REPS2: variants seen among roughly 807,000 people sequenced by gnomAD.
REPS2 encodes ralBP1-associated Eps domain-containing protein 2.
Under a neutral mutation model 53.6 loss-of-function variants are expected in REPS2, and 23 were observed. The ratio of observed to expected loss-of-function variants is 0.43; its 90% CI spans 0.31 to 0.61. The LOEUF (loss-of-function observed/expected upper bound fraction) is 0.61, where lower values mean the gene tolerates loss of function less well. REPS2 is among the 20% of genes least tolerant of loss of function. The probability of loss-of-function intolerance (pLI) is 0.11; values close to 1 mark genes in which losing one functional copy is unlikely to be tolerated. For missense variants in REPS2, 446 were observed against 534.9 expected (o/e 0.83, Z 1.64); for synonymous variants, 238 against 218.6 (o/e 1.09, Z -0.78).
At chrX:17,016,663 T>TGG (rs2061498346) in intron 2 of REPS2, among the ~76,000 whole-genome samples, 1 of 111,270 alleles carries the variant, frequency 9.0e-6, no homozygotes. Flanking sequence ...CCCATCTTGG[T>TGG]CTCCCAAAGT....
rs908088687 is a variant in REPS2 at position 17,150,953 on chromosome X, C to T, written c.*3472C>T. 3.6e-5 allele frequency: 4 copies of T among 111,287 alleles called. No homozygotes were observed. Among genetic ancestry groups the T allele is most frequent in the African/African-American group, 1.3e-4 (4 of 30,490 alleles). The allele number at this position is 111,287 out of a possible 1,213,427, so 9.2% of individuals were successfully genotyped here. A position where few individuals can be genotyped will look rare whatever the true frequency, so the allele number is the denominator to read the frequency against. On this transcript the variant is annotated 3_prime_UTR_variant, in exon 18 of 18. Transcript: ENST00000357277. ...AAAACATGTTTTAGGGAGTTTAGTT[C>T]TAGAAATTTCTCTTAGATTGAAGTG... is the stretch of plus-strand genomic sequence containing the variant.
At chrX:17,042,767 CTG>C (rs1433775553) in intron 5 of REPS2, among the ~76,000 whole-genome samples, 1 of 111,371 alleles carries the variant, frequency 9.0e-6, no homozygotes, top group Non-Finnish European at 1.9e-5. Flanking sequence ...AATGTTCAAA[CTG>C]TGGTACTTAC....
intron 4 of REPS2, among the ~76,000 whole-genome samples, chrX:17,028,065 C>T (rs2061668800): frequency 9.0e-6 from 1 of 111,346 alleles, no homozygotes; most frequent in African/African-American, 3.3e-5. Flanking sequence ...GCTGAGTCTT[C>T]ATCCAAGCCC....
intron 13 of REPS2, among the ~76,000 whole-genome samples, chrX:17,088,438 T>C (rs1176275099): frequency 2.7e-5 from 3 of 110,922 alleles, no homozygotes; most frequent in African/African-American, 9.8e-5. Flanking sequence ...AAATGAGTTA[T>C]TAGTAAACAT....
At chrX:17,011,216 G>A (rs761449347) in intron 2 of REPS2, among the ~76,000 whole-genome samples, 2 of 111,288 alleles carry the variant, frequency 1.8e-5, no homozygotes, top group African/African-American at 6.5e-5. Flanking sequence ...CTGAGAGTGC[G>A]TGCCTCCTTA....
intron 17 of REPS2, among the ~76,000 whole-genome samples, chrX:17,145,473 T>C (rs930054566): frequency 9.0e-6 from 1 of 111,479 alleles, no homozygotes; most frequent in African/African-American, 3.3e-5. Context: ...TACTCATTTC[T>C]TATCTAATCT....
chrX:16,974,227 T>C (rs1033769596), intron 1 of REPS2, among the ~76,000 whole-genome samples: 2 of 112,074 alleles, frequency 1.8e-5, no homozygotes, highest in Non-Finnish European at 3.8e-5. Flanking sequence ...GGATCATGTA[T>C]TGAATTTATT....
rs189167480 is a variant in REPS2 at position 16,971,658 on chromosome X, A to G, written c.273+24524A>G. Among the ~76,000 whole-genome samples, 334 of 112,381 alleles carry G rather than the reference A, an allele frequency of 3.0e-3. 1 individual carries two copies. The highest frequency in any genetic ancestry group is 0.01 in the African/African-American group (319 of 30,986). On this transcript the variant is annotated intron_variant, in intron 1 of 17. Transcript: ENST00000357277. ...TAAGAGTTTTGTAGTTTTAGCTCCT[A>G]TATGTCAGTCTTTGATTCATTTTGA... is the stretch of plus-strand genomic sequence containing the variant.
intron 17 of REPS2, among the ~76,000 whole-genome samples, chrX:17,146,197 C>T (rs756342502): frequency 4.5e-5 from 5 of 110,747 alleles, no homozygotes; most frequent in African/African-American, 1.3e-4. Context: ...AGGCCCTGTA[C>T]GATCTGGCTC....
intron 13 of REPS2, among the ~76,000 whole-genome samples, chrX:17,093,764 A>G (rs1433490154): frequency 5.0e-5 from 5 of 100,262 alleles, no homozygotes; most frequent in African/African-American, 1.8e-4. Context: ...GCCATGTAAG[A>G]CATATAGTAA....
chrX:17,055,624 C>T (rs1873089546), intron 8 of REPS2, among the ~76,000 whole-genome samples: 2 of 106,612 alleles, frequency 1.9e-5, no homozygotes, highest in Admixed American at 1.0e-4. Context: ...TTCCCCATTG[C>T]TTGTTTTTCT....
chrX:17,117,902 G>A (rs1439018437), intron 14 of REPS2, among the ~76,000 whole-genome samples: 1 of 103,527 alleles, frequency 9.7e-6, no homozygotes, highest in Non-Finnish European at 2.0e-5. Flanking sequence ...CAGTGTAAAA[G>A]TGTTCCTATT....
chrX:17,106,175 C>A (rs2062871363), intron 14 of REPS2, among the ~76,000 whole-genome samples: 1 of 111,450 alleles, frequency 9.0e-6, no homozygotes, highest in Non-Finnish European at 1.9e-5. Flanking sequence ...ACAAGCATTC[C>A]TTTACACCAA....
At chrX:17,159,686 G>T in the REPS2 span, among the ~76,000 whole-genome samples, 4 of 111,463 alleles carry the variant, frequency 3.6e-5, no homozygotes, top group Non-Finnish European at 5.7e-5. Context: ...CCTAGTAAGT[G>T]CTAGACATGT....
intron 13 of REPS2, among the ~76,000 whole-genome samples, chrX:17,079,043 A>T (rs763692876): frequency 8.9e-6 from 1 of 112,153 alleles, no homozygotes; most frequent in South Asian, 3.7e-4. Context: ...ATATTTTTGG[A>T]TTTTGGAATA....
At chrX:16,982,102 CATA>C (rs1246199235) in intron 1 of REPS2, among the ~76,000 whole-genome samples, 1 of 111,768 alleles carries the variant, frequency 8.9e-6, no homozygotes, top group African/African-American at 3.3e-5. Context: ...TTTCACTTAG[CATA>C]ATGTTTTTTA....
At chrX:17,167,753 C>T in the REPS2 span, among the ~76,000 whole-genome samples, 2 of 109,129 alleles carry the variant, frequency 1.8e-5, no homozygotes, top group South Asian at 8.1e-4. Context: ...TCTTCCATTA[C>T]GCAGCCAACA....
chrX:17,010,847 A>G (rs781113747), intron 2 of REPS2, among the ~76,000 whole-genome samples: 14 of 111,334 alleles, frequency 1.3e-4, no homozygotes, highest in African/African-American at 3.6e-4. Context: ...CTGATTTTCA[A>G]CCTTGTCGGC....
intron 1 of REPS2, among the ~76,000 whole-genome samples, chrX:16,957,991 A>G (rs774222639): frequency 1.8e-5 from 2 of 112,165 alleles, no homozygotes; most frequent in Non-Finnish European, 3.8e-5. Context: ...AAACCATGGT[A>G]GCAGCCAACA....
Sources: allele counts gnomAD v4.1 joint callset (sites outside exome capture counted in the v4.1 genomes callset), GRCh38; gene constraint gnomAD v4.1.1; transcripts MANE v1.5; gene names NCBI Gene and HGNC (gene_info 2026-07-23, HGNC 2026-07-21).